Variants in AGPS observed in about 807,000 individuals in gnomAD.
AGPS encodes alkyldihydroxyacetonephosphate synthase, peroxisomal.
A neutral mutation model predicts 90.7 loss-of-function variants in AGPS; 26 were observed. The ratio of observed to expected loss-of-function variants is 0.29; its 90% CI spans 0.21 to 0.40. The LOEUF (loss-of-function observed/expected upper bound fraction) is 0.40, where lower values mean the gene tolerates loss of function less well. Ranked by LOEUF, AGPS falls within the 10% of genes least tolerant of loss-of-function variation. The pLI is 1.00. For missense variants in AGPS, 540 were observed against 816.1 expected, an observed-to-expected ratio of 0.66 and a Z score of 4.12; for synonymous variants, 294 against 285.3, an observed-to-expected ratio of 1.03 and a Z score of -0.31.
intron 14 of AGPS, among the ~76,000 whole-genome samples, chr2:177,504,945 A>T (rs1688667224): frequency 6.6e-6 from 1 of 152,100 alleles, no homozygotes; most frequent in South Asian, 2.1e-4. Flanking sequence ...GAAATTTTCC[A>T]ATTGAAAGAG....
At position 177,499,734 on chromosome 2, in the gene AGPS, T is replaced by C. The variant is rs373459625; in HGVS notation, c.1475+4T>C. The C allele has an allele frequency of 6.3e-7, 1 of 1,575,774 alleles. No individual in the cohort carries two copies. The highest frequency in any genetic ancestry group is 1.3e-5 in the African/African-American group (1 of 74,234). On this transcript the variant is annotated splice_donor_region_variant and intron_variant, in intron 14 of 19. Transcript: ENST00000264167. ...ATGATATTGCTGCAAAATTTGGGTATGGCTTCAAGTTCATAATGCCAAGAG... is the reference window on the plus strand; with the variant it reads ...ATGATATTGCTGCAAAATTTGGGTACGGCTTCAAGTTCATAATGCCAAGAG...
intron 1 of AGPS, among the ~76,000 whole-genome samples, chr2:177,405,284 T>C (rs990815160): frequency 6.6e-6 from 1 of 152,268 alleles, no homozygotes; most frequent in Non-Finnish European, 1.5e-5. Context: ...AGTTATTGCC[T>C]GGAAGGAAGT....
rs577754638 is a variant in AGPS, at chr2:177,454,563, G to A, written c.871-7330G>A. On this transcript the variant is annotated intron_variant, in intron 8 of 19. Coordinates refer to ENST00000264167, the MANE Select transcript of AGPS (RefSeq NM_003659.4). ...TGGGGTGTTTTCCCGCTTCTTTGTA[G>A]CTTGGTAATTTTTATTTTTATTTTA... is the stretch of plus-strand genomic sequence containing the variant. 8.7e-4 allele frequency among the ~76,000 whole-genome samples: 130 copies of A among 149,580 alleles called. 1 individual carries two copies. Among genetic ancestry groups the A allele is most frequent in the Admixed American group, 4.9e-3 (74 of 15,082 alleles).
At chr2:177,466,685 C>T (rs115997555) in intron 9 of AGPS, among the ~76,000 whole-genome samples, 2,766 of 152,374 alleles carry the variant, frequency 0.018, 82 homozygotes, top group African/African-American at 0.062. Flanking sequence ...CCTGAGCATG[C>T]GCACACCCGG....
At chr2:177,526,453 C>T (rs921586104) in intron 19 of AGPS, among the ~76,000 whole-genome samples, 18 of 152,120 alleles carry the variant, frequency 1.2e-4, no homozygotes, top group Admixed American at 8.5e-4. Context: ...TGGTCTCGAA[C>T]TCCTGATCTC....
intron 10 of AGPS, among the ~76,000 whole-genome samples, chr2:177,479,227 G>A (rs183380660): frequency 1.3e-4 from 20 of 152,288 alleles, no homozygotes; most frequent in Admixed American, 1.2e-3. Flanking sequence ...GCCAGGACAA[G>A]GGGATTGAAA....
intron 9 of AGPS, among the ~76,000 whole-genome samples, chr2:177,467,329 ACTCC>A (rs1168838705): frequency 6.6e-6 from 1 of 152,080 alleles, no homozygotes; most frequent in Non-Finnish European, 1.5e-5. Context: ...GGTTTATTTA[ACTCC>A]CTCTTAATGA....
intron 10 of AGPS, among the ~76,000 whole-genome samples, chr2:177,471,750 C>A (rs1267255057): frequency 6.6e-6 from 1 of 152,100 alleles, no homozygotes; most frequent in East Asian, 1.9e-4. Context: ...CCCCAGAGTT[C>A]TGGAATGTTC....
intron 16 of AGPS, 71 bp from the exon 17 acceptor site, chr2:177,513,748 A>G (rs1688947917): frequency 8.7e-7 from 1 of 1,152,248 alleles, no homozygotes; most frequent in Non-Finnish European, 1.3e-6. Context: ...TGCCAGATTA[A>G]CCAACGTTTA....
chr2:177,475,939 A>G (rs987395224), intron 10 of AGPS, among the ~76,000 whole-genome samples: 1 of 152,042 alleles, frequency 6.6e-6, no homozygotes, highest in Non-Finnish European at 1.5e-5. Context: ...CATTTTCTCT[A>G]AGTTATGTAA....
intron 9 of AGPS, among the ~76,000 whole-genome samples, chr2:177,466,190 C>T (rs1489711120): frequency 3.9e-5 from 6 of 151,966 alleles, no homozygotes; most frequent in East Asian, 3.9e-4. Flanking sequence ...GGTAGCTCCT[C>T]TCCATAAGCA....
chr2:177,478,409 T>C (rs1480835228), intron 10 of AGPS, among the ~76,000 whole-genome samples: 1 of 152,184 alleles, frequency 6.6e-6, no homozygotes, highest in Non-Finnish European at 1.5e-5. Flanking sequence ...ATTTAGGAAG[T>C]TTTCAGCCAT....
intron 7 of AGPS, among the ~76,000 whole-genome samples, chr2:177,442,828 CAAAAA>C (rs71007994): frequency 3.0e-5 from 3 of 99,402 alleles, no homozygotes; most frequent in Non-Finnish European, 6.1e-5. Context: ...GCCTGGGTGA[CAAAAA>C]AAAAAAAAAA....
In AGPS at chr2:177,461,877, A is replaced by G. The variant is rs752510426; in HGVS notation, c.871-16A>G. On this transcript the variant is annotated splice_polypyrimidine_tract_variant and intron_variant, in intron 8 of 19. Coordinates refer to ENST00000264167, the MANE Select transcript of AGPS (RefSeq NM_003659.4). Reference sequence around the variant, plus strand: ...GGACCATTTTCACTGTAAAATGTTAAATTTTTGTTTTTCAGCTTAAAGAAA... The same window carrying G: ...GGACCATTTTCACTGTAAAATGTTAGATTTTTGTTTTTCAGCTTAAAGAAA... 2 of 1,606,546 alleles carry G rather than the reference A, an allele frequency of 1.2e-6. No individual in the cohort carries two copies. Among genetic ancestry groups the G allele is most frequent in the East Asian group, 2.3e-5 (1 of 44,404 alleles).
intron 8 of AGPS, among the ~76,000 whole-genome samples, chr2:177,456,931 C>T (rs1055484311): frequency 3.3e-5 from 5 of 152,050 alleles, no homozygotes; most frequent in Non-Finnish European, 4.4e-5. Context: ...AAATTGACCA[C>T]GTAATTGGAA....
intron 19 of AGPS, among the ~76,000 whole-genome samples, chr2:177,532,576 G>A (rs2079148205): frequency 6.6e-6 from 1 of 152,170 alleles, no homozygotes; most frequent in Admixed American, 6.5e-5. Context: ...AACTGAACAT[G>A]TAATCACCAC....
chr2:177,523,696 T>C, intron 18 of AGPS, 52 bp from the exon 19 acceptor site: 1 of 1,541,988 alleles, frequency 6.5e-7, no homozygotes, highest in African/African-American at 1.4e-5. Context: ...TTTCTTTCAC[T>C]GCAAAATGAA....
chr2:177,466,922 A>T (rs1244490216), intron 9 of AGPS, among the ~76,000 whole-genome samples: 2 of 152,030 alleles, frequency 1.3e-5, no homozygotes, highest in Admixed American at 1.3e-4. Flanking sequence ...GGCCCCCAAG[A>T]GCACAGGGAT....
intron 11 of AGPS, among the ~76,000 whole-genome samples, chr2:177,488,571 G>A (rs1688162653): frequency 6.6e-6 from 1 of 152,120 alleles, no homozygotes; most frequent in African/African-American, 2.4e-5. Context: ...ATAATGCAAT[G>A]GATAGTATGC....
Sources: allele counts gnomAD v4.1 joint callset (sites outside exome capture counted in the v4.1 genomes callset), GRCh38; gene constraint gnomAD v4.1.1; transcripts MANE v1.5; gene names NCBI Gene and HGNC (gene_info 2026-07-23, HGNC 2026-07-21).